Variants in CYLD observed in about 807,000 individuals in gnomAD.
CYLD encodes ubiquitin carboxyl-terminal hydrolase CYLD.
In CYLD, 26 loss-of-function variants were observed where a neutral mutation model predicts 104.5. The ratio of observed to expected loss-of-function variants is 0.25; its 90% CI spans 0.18 to 0.35. CYLD has a LOEUF of 0.35. CYLD is among the 10% of genes least tolerant of loss of function. CYLD has a pLI of 1.00. For synonymous variants in CYLD, 385 were observed against 399.9 expected, an observed-to-expected ratio of 0.96 and a Z score of 0.45; for missense variants, 703 against 1,136.1, an observed-to-expected ratio of 0.62 and a Z score of 5.48.
chr16:50,777,933 T>A lies in CYLD; in HGVS notation c.1130T>A (p.Ile377Asn). 6.7e-7 allele frequency: 1 copy of A among 1,499,712 alleles called. No homozygotes were observed. The highest frequency in any genetic ancestry group is 2.3e-5 in the East Asian group (1 of 44,124). 92.9% of individuals were successfully genotyped at this position (1,499,712 alleles called of 1,614,324 possible). ...TCCAAATCAAAAAATACATGGTACA[T>A]TGATGAAGGTAATCAGTAATTTTAG... ...PQSKSKNTWY[I>N]DEVAEDPAKS... is the part of the protein sequence containing the mutation. The change falls in exon 8 of 19, where the codon ATT (isoleucine) becomes AAT (asparagine). Residue 377 changes from isoleucine (I) to asparagine (N), a missense_variant. Physicochemically the swap from Ile to Asn is moderately radical, Grantham distance 149. Around this residue, in one of 5 missense-constraint regions of CYLD, gnomAD observed 183 missense variants for 212.1 expected, o/e 0.86. Transcript: ENST00000427738.
Position 50,749,628 on chromosome 16 carries a change from T to C in CYLD, c.-71T>C. 6.6e-7 allele frequency: 1 copy of C among 1,504,640 alleles called. No individual in the cohort carries two copies. The highest frequency in any genetic ancestry group is 1.2e-5 in the South Asian group (1 of 85,958). The allele number at this position is 1,504,640 out of a possible 1,614,324, so 93.2% of individuals were successfully genotyped here. A position where few individuals can be genotyped will look rare whatever the true frequency, so the allele number is the denominator to read the frequency against. Reference sequence around the variant, plus strand: ...CTTTGGGACTGCCACTGAATTTATCTTTTGCGGTTTTATGACAAAGTTATT... The same window carrying C: ...CTTTGGGACTGCCACTGAATTTATCCTTTGCGGTTTTATGACAAAGTTATT... On this transcript the variant is annotated 5_prime_UTR_variant, in exon 3 of 19. Transcript: ENST00000427738.
intron 4 of CYLD, among the ~76,000 whole-genome samples, chr16:50,753,409 T>C (rs920199262): frequency 6.6e-6 from 1 of 152,204 alleles, no homozygotes; most frequent in Non-Finnish European, 1.5e-5. Flanking sequence ...AGAAGCTGTT[T>C]AGGGTTTAGG....
intron 4 of CYLD, among the ~76,000 whole-genome samples, chr16:50,752,240 C>T (rs913782787): frequency 6.7e-6 from 1 of 148,856 alleles, no homozygotes; most frequent in African/African-American, 2.4e-5. Context: ...TTTAAATTTG[C>T]CTTATTGTAG....
intron 11 of CYLD, 104 bp downstream of exon 11, chr16:50,782,570 C>T: frequency 8.1e-7 from 1 of 1,234,590 alleles, no homozygotes; most frequent in Non-Finnish European, 1.2e-6. Flanking sequence ...AAGAAACTGC[C>T]ATCTGCCTCT....
intron 1 of CYLD, chr16:50,742,484 T>G: frequency 7.1e-6 from 2 of 283,612 alleles, no homozygotes; most frequent in Admixed American, 5.3e-5. Flanking sequence ...GTCGCCACCA[T>G]CGGGACCCCC....
At chr16:50,781,174 A>T (rs1970181909) in intron 9 of CYLD, 72 bp from the exon 10 acceptor site, 1 of 1,556,110 alleles carries the variant, frequency 6.4e-7, no homozygotes, top group Admixed American at 1.7e-5. Flanking sequence ...AACAGGTCTT[A>T]GAAACCTTAG....
Position 50,794,505 on chromosome 16 carries a change from G to A in CYLD, c.2686+77G>A, listed in dbSNP as rs1370283390. The A allele has an allele frequency of 7.6e-7, 1 of 1,307,830 alleles. No individual in the cohort carries two copies. The highest frequency in any genetic ancestry group is 1.7e-5 in the Admixed American group (1 of 59,540). The allele number at this position is 1,307,830 out of a possible 1,614,324, so 81.0% of individuals were successfully genotyped here. A position where few individuals can be genotyped will look rare whatever the true frequency, so the allele number is the denominator to read the frequency against. On this transcript the variant is annotated intron_variant, in intron 18 of 18. Transcript: ENST00000427738. The surrounding 1 kb of genome is among the most constrained non-coding windows in gnomAD (Gnocchi z 4.1). ...GGGACAGTTTGTAGTGGGATCGCCT[G>A]TTCTGAGTGATATTTTCTGAGAAAA...
At chr16:50,764,695 G>A (rs1259858431) in intron 5 of CYLD, among the ~76,000 whole-genome samples, 1 of 152,122 alleles carries the variant, frequency 6.6e-6, no homozygotes, top group African/African-American at 2.4e-5. Flanking sequence ...GTAGTTCTCA[G>A]CCTGGGATGC....
At position 50,785,120 on chromosome 16, in the gene CYLD, T is replaced by TA. The variant is rs1478327598; in HGVS notation, c.1949+670dup. ...GACTTTGAATAAGTGGTAGTAGTGA[T>TA]ATGTGATAATGTCACATTATAAAAT... On this transcript the variant is annotated intron_variant, in intron 12 of 18. Coordinates refer to ENST00000427738, the MANE Select transcript of CYLD (RefSeq NM_001378743.1). The TA allele has an allele frequency of 2.6e-5, 4 of 152,330 alleles. No individual in the cohort carries two copies. The East Asian group carries it at 5.8e-4, about 22-fold the overall frequency. The allele number at this position is 152,330 out of a possible 1,614,324, so 9.4% of individuals were successfully genotyped here. A position where few individuals can be genotyped will look rare whatever the true frequency, so the allele number is the denominator to read the frequency against.
chr16:50,742,692 G>A (rs1965810510), intron 1 of CYLD, 70 bp from the exon 2 acceptor site: 3 of 397,848 alleles, frequency 7.5e-6, no homozygotes, highest in Non-Finnish European at 8.9e-6. Context: ...GCGGGTGTTG[G>A]TGGCTCCCGT....
rs770362289 is a variant in CYLD at position 50,754,434 on chromosome 16, CTTTG to C, written c.913+14_913+17del. The C allele has an allele frequency of 6.4e-7, 1 of 1,566,448 alleles. No individual in the cohort carries two copies. The highest frequency in any genetic ancestry group is 1.7e-5 in the Admixed American group (1 of 59,792). ...AATGATATCATCCCAGGTATGTTTT[CTTTG>C]TTTTATACATTTATAAGGCAAACTT... On this transcript the variant is annotated intron_variant, in intron 5 of 18. Coordinates refer to ENST00000427738, the MANE Select transcript of CYLD (RefSeq NM_001378743.1).
At chr16:50,791,234 C>G (rs1398851867) in intron 14 of CYLD, among the ~76,000 whole-genome samples, 2 of 152,228 alleles carry the variant, frequency 1.3e-5, no homozygotes, top group Non-Finnish European at 2.9e-5. Context: ...AGTGAAGTTG[C>G]ACTAAGTGAT....
Position 50,793,589 on chromosome 16 carries a change from G to A in CYLD, c.2394G>A (p.Glu798=), listed in dbSNP as rs1444386116. ...CRICGGLAMY[E]CRECYDDPDI... is the part of the protein sequence containing the mutation. ...TATGTGGAGGGCTTGCAATGTATGAGTGTAGAGAATGCTACGACGATCCGG... is the reference window on the plus strand; with the variant it reads ...TATGTGGAGGGCTTGCAATGTATGAATGTAGAGAATGCTACGACGATCCGG... Residue 798 remains glutamate, a synonymous_variant, in exon 17 of 19, where the codon GAG becomes GAA. Coordinates refer to ENST00000427738, the MANE Select transcript of CYLD (RefSeq NM_001378743.1). The A allele has an allele frequency of 6.2e-7, 1 of 1,614,088 alleles. No homozygotes were observed.
chr16:50,772,464 T>A (rs1048821589), intron 5 of CYLD, among the ~76,000 whole-genome samples: 1 of 152,208 alleles, frequency 6.6e-6, no homozygotes, highest in Non-Finnish European at 1.5e-5. Flanking sequence ...AGTTGCACCT[T>A]CCTTTTTAAC....
intron 7 of CYLD, among the ~76,000 whole-genome samples, chr16:50,776,709 C>T (rs992160061): frequency 6.6e-6 from 1 of 152,174 alleles, no homozygotes; most frequent in Non-Finnish European, 1.5e-5. Context: ...TTCTCTTTCC[C>T]AGAAGCTTCC....
At chr16:50,776,978 A>T (rs950730048) in intron 7 of CYLD, among the ~76,000 whole-genome samples, 1 of 152,222 alleles carries the variant, frequency 6.6e-6, no homozygotes, top group Non-Finnish European at 1.5e-5. Flanking sequence ...TGCAGGATAT[A>T]TAGGTAACAG....
At chr16:50,757,567 C>T (rs1596995537) in intron 5 of CYLD, among the ~76,000 whole-genome samples, 2 of 150,916 alleles carry the variant, frequency 1.3e-5, no homozygotes, top group South Asian at 2.1e-4. Flanking sequence ...GACGGGGTCT[C>T]GCTTTGTCGC....
chr16:50,783,951 G>T, intron 11 of CYLD: 1 of 280,086 alleles, frequency 3.6e-6, no homozygotes, highest in South Asian at 3.7e-5. Flanking sequence ...CTTGCCTCGG[G>T]AAGTCGTTTC....
chr16:50,747,252 A>T (rs1966266162), intron 2 of CYLD, among the ~76,000 whole-genome samples: 1 of 152,222 alleles, frequency 6.6e-6, no homozygotes, highest in Non-Finnish European at 1.5e-5. Context: ...TTTCAAACAC[A>T]CAAACATATT....
Sources: gnomAD v4.1 joint callset for allele counts (sites outside exome capture counted in the v4.1 genomes callset) on GRCh38, gnomAD v4.1.1 for gene constraint, gnomAD v4.1.1 regional missense constraint, Gnocchi (gnomAD v3.1) non-coding constraint, MANE v1.5 for transcripts, NCBI Gene and HGNC (gene_info 2026-07-23, HGNC 2026-07-21) for gene names.